The following TRIM5 variants were observed in gnomAD, a reference collection of about 807,000 sequenced individuals.
TRIM5 encodes the protein tripartite motif containing 5.
In TRIM5, 31 loss-of-function variants were observed where a neutral mutation model predicts 35.6. The observed-to-expected ratio is 0.87, with a 90% CI of 0.65 to 1.18. The LOEUF (loss-of-function observed/expected upper bound fraction) is 1.18. TRIM5 is among the 50% of genes most tolerant of loss of function. The pLI, the probability that TRIM5 is intolerant of heterozygous loss-of-function variation, is 0.00. For synonymous variants in TRIM5, 243 were observed against 215.6 expected (o/e 1.13, Z -1.11); for missense variants, 609 against 591.6 (o/e 1.03, Z -0.31).
intron 4 of TRIM5, among the ~76,000 whole-genome samples, chr11:5,675,132 T>TA (rs1459959413): frequency 2.0e-5 from 3 of 151,812 alleles, no homozygotes; most frequent in South Asian, 4.2e-4. Flanking sequence ...GGGTTCACAC[T>TA]ATTCTCCTGC....
the TRIM5 span, chr11:5,643,666 G>A: frequency 6.2e-7 from 1 of 1,613,198 alleles, no homozygotes; most frequent in Non-Finnish European, 8.5e-7. Flanking sequence ...TTCAATCCTT[G>A]GAACTGTCCA....
chr11:5,662,113 G>A (rs1282633791), downstream of TRIM5, among the ~76,000 whole-genome samples: 1 of 152,220 alleles, frequency 6.6e-6, no homozygotes, highest in South Asian at 2.1e-4. Context: ...CCTGGATGGT[G>A]CTGAGGTAGA....
the TRIM5 span, among the ~76,000 whole-genome samples, chr11:5,609,693 A>C: frequency 1.3e-5 from 2 of 152,124 alleles, no homozygotes; most frequent in East Asian, 1.9e-4. Context: ...GAGGCTGAGG[A>C]GGGCAGATCA....
At chr11:5,610,348 G>A in the TRIM5 span, 13 of 1,580,310 alleles carry the variant, frequency 8.2e-6, no homozygotes, top group Admixed American at 1.0e-4. Flanking sequence ...GTGGCAAAGA[G>A]GGAGGTCCCA....
chr11:5,604,165 TGTGTGTGTGTGC>T, the TRIM5 span, among the ~76,000 whole-genome samples: 38 of 143,294 alleles, frequency 2.7e-4, no homozygotes, highest in Non-Finnish European at 5.2e-4. Flanking sequence ...CAGCTAATTG[TGTGTGTGTGTGC>T]GTGTGTGTGT....
the TRIM5 span, chr11:5,634,688 A>T: frequency 6.2e-7 from 1 of 1,614,166 alleles, no homozygotes; most frequent in Non-Finnish European, 8.5e-7. Flanking sequence ...GCTTAGAAGC[A>T]TCCTAAATAA....
At position 5,664,669 on chromosome 11, in the gene TRIM5, C is replaced by T; in HGVS notation, c.*140G>A. ...GGCACAAGGCAATTATTACATTTTA[C>T]TGATGAGTGAAGGACGTTCAAATAG... On this transcript the variant is annotated 3_prime_UTR_variant, in exon 8 of 8. Coordinates refer to ENST00000380034, the MANE Select transcript of TRIM5 (RefSeq NM_033034.3). 7.1e-7 allele frequency: 1 copy of T among 1,415,808 alleles called. No individual in the cohort carries two copies. Among genetic ancestry groups the T allele is most frequent in the Non-Finnish European group, 9.2e-7 (1 of 1,089,116 alleles). 87.7% of individuals were successfully genotyped at this position (1,415,808 alleles called of 1,614,324 possible).
At chr11:5,609,787 G>T in the TRIM5 span, among the ~76,000 whole-genome samples, 312 of 152,282 alleles carry the variant, frequency 2.0e-3, 2 homozygotes, top group African/African-American at 7.2e-3. Context: ...GCCAGGCGTG[G>T]TGGCACGCGC....
the TRIM5 span, chr11:5,595,136 C>G: frequency 6.6e-6 from 1 of 152,330 alleles, no homozygotes; most frequent in East Asian, 1.9e-4. Flanking sequence ...TCCCTACTGC[C>G]CAATCCTCCG....
rs1239198442 is a variant in TRIM5 at position 5,679,783 on chromosome 11, T to G, written c.395A>C (p.Glu132Ala). ...TACTTGGTACTCCCGGGCAACCTCC[T>G]CTGTGAGGAACGTGTGGTGACCACG... is the stretch of plus-strand genomic sequence containing the variant. ...EHRGHHTFLT[E>A]EVAREYQVKL... Residue 132 changes from glutamate (E) to alanine (A), a missense_variant, in exon 2 of 8, where the codon GAG (glutamate) becomes GCG (alanine). Transcript: ENST00000380034. 3.1e-6 allele frequency: 5 copies of G among 1,604,502 alleles called. No homozygotes were observed. In the East Asian group the frequency reaches 1.1e-4, roughly 36 times the overall value.
chr11:5,660,474 T>A (rs1850775411), downstream of TRIM5, among the ~76,000 whole-genome samples: 1 of 152,168 alleles, frequency 6.6e-6, no homozygotes, highest in African/African-American at 2.4e-5. Context: ...AGGTTTGATT[T>A]TTACATTTTG....
chr11:5,610,134 G>A, the TRIM5 span: 2 of 1,613,660 alleles, frequency 1.2e-6, no homozygotes, highest in Non-Finnish European at 1.7e-6. Flanking sequence ...CAGAAGTCCT[G>A]TCCTTTCTAG....
the TRIM5 span, chr11:5,655,660 G>A: frequency 2.0e-6 from 2 of 985,278 alleles, no homozygotes; most frequent in African/African-American, 3.5e-5. Context: ...CCAATGTTAT[G>A]GAGGCTTCAT....
chr11:5,622,994 C>A, the TRIM5 span, among the ~76,000 whole-genome samples: 1 of 151,704 alleles, frequency 6.6e-6, no homozygotes, highest in South Asian at 2.1e-4. Flanking sequence ...GTTTCCAGGT[C>A]ATAGGTAGAT....
the TRIM5 span, among the ~76,000 whole-genome samples, chr11:5,601,444 G>A: frequency 1.3e-5 from 2 of 152,166 alleles, no homozygotes; most frequent in African/African-American, 4.8e-5. Context: ...ACTGGTTACA[G>A]AATCATGAGT....
Position 5,682,343 on chromosome 11 carries a change from C to G in TRIM5, c.-61-2105G>C, listed in dbSNP as rs138284321. Reference sequence around the variant, plus strand: ...TCCTGCTCTTCGTATCTCACCTAAGCTCTGCTTTTGGGGGGCAGATACGGC... The same window carrying G: ...TCCTGCTCTTCGTATCTCACCTAAGGTCTGCTTTTGGGGGGCAGATACGGC... On this transcript the variant is annotated intron_variant, in intron 1 of 7. Coordinates refer to ENST00000380034, the MANE Select transcript of TRIM5 (RefSeq NM_033034.3). Among the ~76,000 whole-genome samples, 12 of 152,220 alleles carry G rather than the reference C, an allele frequency of 7.9e-5. No homozygotes were observed. In the East Asian group the frequency reaches 2.3e-3, roughly 30 times the overall value.
the TRIM5 span, among the ~76,000 whole-genome samples, chr11:5,639,594 C>T: frequency 4.2e-5 from 6 of 143,256 alleles, no homozygotes; most frequent in East Asian, 2.1e-4. Context: ...GCAGAAGAAT[C>T]GCTTGAACCG....
At chr11:5,593,995 G>A in the TRIM5 span, among the ~76,000 whole-genome samples, 2 of 152,344 alleles carry the variant, frequency 1.3e-5, no homozygotes, top group South Asian at 4.1e-4. Context: ...TTGATGAACA[G>A]TTGGGTTGAT....
the TRIM5 span, chr11:5,596,527 C>G: frequency 4.9e-5 from 1 of 20,450 alleles, no homozygotes; most frequent in Non-Finnish European, 1.4e-4. Flanking sequence ...CCCTTCCCCC[C>G]TTCCCCCTTC....
Sources: allele counts gnomAD v4.1 joint callset (sites outside exome capture counted in the v4.1 genomes callset), GRCh38; gene constraint gnomAD v4.1.1; transcripts MANE v1.5; gene names NCBI Gene and HGNC (gene_info 2026-07-23, HGNC 2026-07-21).